The following NFIA variants were observed in gnomAD, a reference collection of about 807,000 sequenced individuals.
NFIA encodes the protein nuclear factor I A, also known as nuclear factor 1 A-type.
Under a neutral mutation model 62.8 loss-of-function variants are expected in NFIA, and 8 were observed. That is an observed-to-expected ratio of 0.13 (90% CI 0.07 to 0.23). The LOEUF is 0.23. NFIA is among the 10% of genes least tolerant of loss of function. NFIA has a pLI of 1.00. For synonymous variants in NFIA, 235 were observed against 238.1 expected, an observed-to-expected ratio of 0.99 and a Z score of 0.12; for missense variants, 410 against 642.1, an observed-to-expected ratio of 0.64 and a Z score of 3.91.
intron 10 of NFIA, among the ~76,000 whole-genome samples, chr1:61,438,327 G>A (rs1667423737): frequency 6.6e-6 from 1 of 152,200 alleles, no homozygotes; most frequent in African/African-American, 2.4e-5. Context: ...CAGCCAGTGT[G>A]TGGTGCTGCC....
intron 3 of NFIA, among the ~76,000 whole-genome samples, chr1:61,292,104 G>A (rs952042093): frequency 2.6e-5 from 4 of 152,072 alleles, no homozygotes; most frequent in Non-Finnish European, 4.4e-5. Flanking sequence ...ACCTGACATT[G>A]GTACCAAGTG....
rs576756057 is a variant in NFIA, at chr1:61,093,438, A to C, written c.559+4758A>C. Reference sequence around the variant, plus strand: ...GATCACCCTATCAAACTCTAGCTTTAAGCTCAAGGTGGATTTTTTGGCTGA... The same window carrying C: ...GATCACCCTATCAAACTCTAGCTTTCAGCTCAAGGTGGATTTTTTGGCTGA... On this transcript the variant is annotated intron_variant, in intron 2 of 10. Coordinates refer to ENST00000403491, the MANE Select transcript of NFIA (RefSeq NM_001134673.4). Among the ~76,000 whole-genome samples, 81 of 152,310 alleles carry C rather than the reference A, an allele frequency of 5.3e-4. No homozygotes were observed. In the South Asian group the frequency reaches 0.015, roughly 29 times the overall value.
intron 3 of NFIA, among the ~76,000 whole-genome samples, chr1:61,331,722 G>C (rs1357815224): frequency 6.6e-6 from 1 of 152,182 alleles, no homozygotes; most frequent in East Asian, 1.9e-4. Flanking sequence ...TAGATTATGT[G>C]TTCCTTGTCA....
intron 2 of NFIA, among the ~76,000 whole-genome samples, chr1:61,092,489 A>G (rs1646338089): frequency 6.6e-6 from 1 of 152,142 alleles, no homozygotes; most frequent in South Asian, 2.1e-4. Flanking sequence ...AATAGCAAAG[A>G]TCCTTTCAAT....
intron 2 of NFIA, among the ~76,000 whole-genome samples, chr1:61,204,523 A>G (rs908037619): frequency 1.1e-4 from 17 of 152,260 alleles, no homozygotes; most frequent in Admixed American, 8.5e-4. Context: ...AGCCTTTTCT[A>G]TGCAATCCTG....
rs75876813 is a variant in NFIA, at chr1:61,125,785, A to C, written c.559+37105A>C. Among the ~76,000 whole-genome samples, 540 of 152,340 alleles carry C rather than the reference A, an allele frequency of 3.5e-3. 2 individuals carry two copies. Among genetic ancestry groups the C allele is most frequent in the Non-Finnish European group, 6.4e-3 (434 of 68,034 alleles). On this transcript the variant is annotated intron_variant, in intron 2 of 10. Coordinates refer to ENST00000403491, the MANE Select transcript of NFIA (RefSeq NM_001134673.4). Reference sequence around the variant, plus strand: ...AAATTGTTTTCTACTTTGTACACATAATATAGAAGAGATCACCTAAGCCTA... The same window carrying C: ...AAATTGTTTTCTACTTTGTACACATCATATAGAAGAGATCACCTAAGCCTA...
At chr1:61,089,695 CTTTTTTTTTT>C (rs918196815) in intron 2 of NFIA, among the ~76,000 whole-genome samples, 9 of 107,774 alleles carry the variant, frequency 8.4e-5, no homozygotes, top group East Asian at 5.3e-4. Flanking sequence ...GTTTTTTTTT[CTTTTTTTTTT>C]TTTTTTTTTA....
At chr1:61,356,038 AAAAGTATCAAT>A (rs1662935180) in intron 5 of NFIA, among the ~76,000 whole-genome samples, 1 of 152,198 alleles carries the variant, frequency 6.6e-6, no homozygotes, top group Admixed American at 6.5e-5. Context: ...AAAAACTCAG[AAAAGTATCAAT>A]AATGGGAGAA....
intron 8 of NFIA, among the ~76,000 whole-genome samples, chr1:61,404,990 A>C (rs1665745783): frequency 6.6e-6 from 1 of 152,234 alleles, no homozygotes; most frequent in South Asian, 2.1e-4. Context: ...TTTACAGTGG[A>C]AAGCTGTATC....
At chr1:61,205,526 C>T (rs1652835615) in intron 2 of NFIA, among the ~76,000 whole-genome samples, 1 of 152,128 alleles carries the variant, frequency 6.6e-6, no homozygotes, top group African/African-American at 2.4e-5. Flanking sequence ...TTCATATTAA[C>T]CCATTTATGC....
chr1:61,251,835 T>C (rs960573439), intron 2 of NFIA, among the ~76,000 whole-genome samples: 1 of 152,268 alleles, frequency 6.6e-6, no homozygotes, highest in Admixed American at 6.5e-5. Context: ...TAAATAGAGT[T>C]CAGAATTTGA....
intron 3 of NFIA, among the ~76,000 whole-genome samples, chr1:61,313,031 G>A (rs933799452): frequency 2.0e-5 from 3 of 152,172 alleles, no homozygotes; most frequent in Non-Finnish European, 4.4e-5. Context: ...AGTAAATTAA[G>A]TAGTAGGCAA....
chr1:61,344,474 T>G (rs1400489885), intron 4 of NFIA, among the ~76,000 whole-genome samples: 1 of 152,246 alleles, frequency 6.6e-6, no homozygotes, highest in Non-Finnish European at 1.5e-5. Context: ...CTCCATTTTT[T>G]CATATTTGTA....
intron 3 of NFIA, among the ~76,000 whole-genome samples, chr1:61,291,730 T>G (rs1376356875): frequency 4.6e-5 from 7 of 152,174 alleles, no homozygotes; most frequent in Admixed American, 1.3e-4. Flanking sequence ...TCAAATAATT[T>G]GTATTGTTAG....
intron 7 of NFIA, among the ~76,000 whole-genome samples, chr1:61,390,613 A>G (rs186045188): frequency 1.3e-5 from 2 of 152,198 alleles, no homozygotes; most frequent in Non-Finnish European, 2.9e-5. Flanking sequence ...CAAGAAAAAT[A>G]TACTGCAGAG....
intron 2 of NFIA, among the ~76,000 whole-genome samples, chr1:61,274,372 G>GA (rs919375363): frequency 2.6e-5 from 4 of 151,890 alleles, no homozygotes; most frequent in Non-Finnish European, 4.4e-5. Context: ...CCTAGATAGG[G>GA]AAAAAAAATT....
chr1:61,177,046 C>A (rs1055139563), intron 2 of NFIA, among the ~76,000 whole-genome samples: 17 of 151,612 alleles, frequency 1.1e-4, no homozygotes, highest in Non-Finnish European at 2.4e-4. Flanking sequence ...GCAGAGCTTG[C>A]AGTGAGCCAA....
chr1:61,213,473 T>G (rs922805487), intron 2 of NFIA, among the ~76,000 whole-genome samples: 5 of 152,124 alleles, frequency 3.3e-5, no homozygotes, highest in Non-Finnish European at 4.4e-5. Flanking sequence ...TTTTTTTCAT[T>G]TTCTGTTTTC....
intron 3 of NFIA, among the ~76,000 whole-genome samples, chr1:61,309,148 T>C (rs142142237): frequency 6.6e-6 from 1 of 152,162 alleles, no homozygotes; most frequent in Admixed American, 6.5e-5. Context: ...CCTTCTTTCG[T>C]CTGAGCTCTA....
Sources: allele counts gnomAD v4.1 joint callset (sites outside exome capture counted in the v4.1 genomes callset), GRCh38; gene constraint gnomAD v4.1.1; transcripts MANE v1.5; gene names NCBI Gene and HGNC (gene_info 2026-07-23, HGNC 2026-07-21).